LRRIQ1: variants seen among roughly 807,000 people sequenced by gnomAD.
LRRIQ1 encodes leucine-rich repeat- and IQ domain-containing protein 1.
In LRRIQ1, 210 loss-of-function variants were observed where a neutral mutation model predicts 211.9. That is an observed-to-expected ratio of 0.99 (90% CI 0.89 to 1.11). The LOEUF is 1.11. Ranked by LOEUF, LRRIQ1 falls within the 50% of genes most tolerant of loss-of-function variation. The probability of loss-of-function intolerance (pLI) is 0.00; values close to 1 mark genes in which losing one functional copy is unlikely to be tolerated. For missense variants in LRRIQ1, 2,136 were observed against 1,939.5 expected (o/e 1.10, Z -1.90); for synonymous variants, 699 against 650.1 (o/e 1.08, Z -1.14).
At chr12:85,177,585 G>A (rs776842678) in intron 24 of LRRIQ1, among the ~76,000 whole-genome samples, 1 of 152,110 alleles carries the variant, frequency 6.6e-6, no homozygotes, top group East Asian at 1.9e-4. Flanking sequence ...ACTGAAAGAA[G>A]GTTGGTATGG....
downstream of LRRIQ1, among the ~76,000 whole-genome samples, chr12:85,249,255 T>C (rs1257764056): frequency 6.6e-6 from 1 of 151,798 alleles, no homozygotes; most frequent in East Asian, 1.9e-4. Context: ...AAGATGGATA[T>C]TGAAGTTTAT....
intron 18 of LRRIQ1, among the ~76,000 whole-genome samples, chr12:85,130,934 G>A (rs1263374482): frequency 1.3e-5 from 2 of 152,002 alleles, no homozygotes; most frequent in African/African-American, 4.8e-5. Flanking sequence ...GATAGGCCGG[G>A]CGCAGTGGCT....
At chr12:85,153,928 A>T in intron 22 of LRRIQ1, 84 bp from the exon 23 acceptor site, 1 of 997,658 alleles carries the variant, frequency 1.0e-6, no homozygotes, top group Non-Finnish European at 1.4e-6. Context: ...GCTATAATTC[A>T]GATATGCATG....
intron 11 of LRRIQ1, among the ~76,000 whole-genome samples, chr12:85,078,969 A>G (rs951948152): frequency 6.6e-6 from 1 of 152,122 alleles, no homozygotes; most frequent in East Asian, 1.9e-4. Context: ...GTTGTTACAC[A>G]TTTTTGTAAA....
At chr12:85,132,460 A>G (rs1356821875) in intron 18 of LRRIQ1, among the ~76,000 whole-genome samples, 1 of 152,100 alleles carries the variant, frequency 6.6e-6, no homozygotes, top group African/African-American at 2.4e-5. Flanking sequence ...CCAAGAGAGC[A>G]TAAATACCCA....
downstream of LRRIQ1, among the ~76,000 whole-genome samples, chr12:85,269,455 T>G (rs1896488555): frequency 6.6e-6 from 1 of 152,026 alleles, no homozygotes; most frequent in Admixed American, 6.6e-5. Context: ...GGTATATCAA[T>G]TTATAAGTAT....
chr12:85,197,108 C>A (rs1331457417), intron 24 of LRRIQ1, among the ~76,000 whole-genome samples: 29 of 152,128 alleles, frequency 1.9e-4, no homozygotes, highest in Non-Finnish European at 3.5e-4. Flanking sequence ...TAGAGAAATG[C>A]AAATCAAAAC....
At chr12:85,079,244 CTTTTTTTTTTTT>C (rs3058476) in intron 11 of LRRIQ1, among the ~76,000 whole-genome samples, 1 of 103,574 alleles carries the variant, frequency 9.7e-6, no homozygotes, top group African/African-American at 4.1e-5. Context: ...GTATCTTTAT[CTTTTTTTTTTTT>C]TTTTTTTTTT....
intron 8 of LRRIQ1, among the ~76,000 whole-genome samples, chr12:85,058,435 T>C (rs757306676): frequency 1.3e-5 from 2 of 152,030 alleles, no homozygotes; most frequent in South Asian, 2.1e-4. Flanking sequence ...TTAGCAATTA[T>C]TTAGTTTTCC....
chr12:85,214,004 C>G (rs1177347926), intron 24 of LRRIQ1, among the ~76,000 whole-genome samples: 1 of 151,784 alleles, frequency 6.6e-6, no homozygotes, highest in Non-Finnish European at 1.5e-5. Context: ...TTGTGAACAA[C>G]TTTATGTCAA....
chr12:85,156,759 C>T (rs1565874812), intron 23 of LRRIQ1, among the ~76,000 whole-genome samples: 1 of 151,694 alleles, frequency 6.6e-6, no homozygotes, highest in African/African-American at 2.4e-5. Context: ...TTTTAAGCCA[C>T]TAGAGAGCAA....
At chr12:85,150,286 TTA>T (rs1238457512) in intron 19 of LRRIQ1, among the ~76,000 whole-genome samples, 2 of 151,722 alleles carry the variant, frequency 1.3e-5, no homozygotes, top group African/African-American at 4.8e-5. Context: ...ACTAATTCAA[TTA>T]TAGCTGATAT....
At chr12:85,106,711 T>A in intron 15 of LRRIQ1, 96 bp downstream of exon 15, 1 of 768,248 alleles carries the variant, frequency 1.3e-6, no homozygotes, top group Non-Finnish European at 2.1e-6. Context: ...TTACCTAGGA[T>A]AAGTTAATTA....
At chr12:85,165,214 G>C (rs1891091315) in intron 24 of LRRIQ1, among the ~76,000 whole-genome samples, 1 of 151,990 alleles carries the variant, frequency 6.6e-6, no homozygotes, top group Non-Finnish European at 1.5e-5. Flanking sequence ...ACTGAGGTTT[G>C]GGCTACAAAT....
chr12:85,068,638 A>G (rs1882705997), intron 10 of LRRIQ1, among the ~76,000 whole-genome samples: 1 of 151,880 alleles, frequency 6.6e-6, no homozygotes, highest in South Asian at 2.1e-4. Flanking sequence ...TGGAATTAAT[A>G]ATGAATCCTT....
intron 18 of LRRIQ1, among the ~76,000 whole-genome samples, chr12:85,131,303 T>C (rs1888744849): frequency 6.6e-6 from 1 of 152,016 alleles, no homozygotes; most frequent in Admixed American, 6.6e-5. Flanking sequence ...CTTCATTTCA[T>C]TTTCCCTTTC....
chr12:85,083,145 C>T (rs901771980), intron 11 of LRRIQ1, among the ~76,000 whole-genome samples: 2 of 152,060 alleles, frequency 1.3e-5, no homozygotes, highest in East Asian at 1.9e-4. Flanking sequence ...TTATACCTGT[C>T]CACCTTAGGT....
intron 24 of LRRIQ1, among the ~76,000 whole-genome samples, chr12:85,197,933 TTA>T (rs1268663292): frequency 7.4e-5 from 8 of 108,702 alleles, no homozygotes; most frequent in African/African-American, 2.8e-4. Flanking sequence ...TATAATATAA[TTA>T]TATATATTTA....
At chr12:85,140,173 G>A (rs1565863652) in intron 19 of LRRIQ1, among the ~76,000 whole-genome samples, 1 of 151,152 alleles carries the variant, frequency 6.6e-6, no homozygotes, top group Non-Finnish European at 1.5e-5. Flanking sequence ...TGAAAATATT[G>A]AGTAAATCGA....
Sources: gnomAD v4.1 joint callset for allele counts (sites outside exome capture counted in the v4.1 genomes callset) on GRCh38, gnomAD v4.1.1 for gene constraint, MANE v1.5 for transcripts, NCBI Gene and HGNC (gene_info 2026-07-23, HGNC 2026-07-21) for gene names.